Variants in ACSS2 observed in about 807,000 individuals in gnomAD.
The protein encoded by ACSS2 is acetyl-coenzyme A synthetase, cytoplasmic.
In ACSS2, 58 loss-of-function variants were observed where a neutral mutation model predicts 90.6. The observed-to-expected ratio is 0.64, with a 90% CI of 0.52 to 0.80. The LOEUF (loss-of-function observed/expected upper bound fraction) is 0.80, where lower values mean the gene tolerates loss of function less well. Among genes scored for constraint, ACSS2 ranks in the 30% least tolerant of loss-of-function variants. The pLI, the probability that ACSS2 is intolerant of heterozygous loss-of-function variation, is 0.00. For missense variants in ACSS2, 759 were observed against 912.0 expected, an observed-to-expected ratio of 0.83 and a Z score of 2.16; for synonymous variants, 300 against 330.9, an observed-to-expected ratio of 0.91 and a Z score of 1.01.
intron 1 of ACSS2, 45 bp downstream of exon 1, chr20:34,876,868 A>AGTGGGGGCTCCCTGGGGGAG (rs2079926918): frequency 5.7e-6 from 7 of 1,218,984 alleles, no homozygotes; most frequent in African/African-American, 1.6e-5. Context: ...TGAGGAGAAG[A>AGTGGGGGCTCCCTGGGGGAG]GTGGGGGCTC....
intron 2 of ACSS2, among the ~76,000 whole-genome samples, chr20:34,908,167 G>C (rs1476129502): frequency 6.6e-6 from 1 of 152,208 alleles, no homozygotes; most frequent in East Asian, 1.9e-4. Context: ...GGTGTCTGAA[G>C]GAGGAGGGAG....
intron 1 of ACSS2, among the ~76,000 whole-genome samples, chr20:34,879,862 G>C (rs938957917): frequency 6.6e-6 from 1 of 152,154 alleles, no homozygotes. Context: ...TTGTACTCTC[G>C]TTATTAGCTG....
chr20:34,909,795 T>C (rs1377803651), intron 2 of ACSS2, among the ~76,000 whole-genome samples: 4 of 151,720 alleles, frequency 2.6e-5, no homozygotes, highest in East Asian at 1.9e-4. Flanking sequence ...CCGCTCGCTG[T>C]AGCCTTCACC....
intron 13 of ACSS2, chr20:34,922,202 G>GAACCTACCA (rs2081218829): frequency 8.7e-6 from 2 of 230,050 alleles, no homozygotes; most frequent in Non-Finnish European, 1.6e-5. Flanking sequence ...CGTAGGATCT[G>GAACCTACCA]GAGTCACCCT....
intron 15 of ACSS2, 50 bp downstream of exon 15, chr20:34,925,816 A>G: frequency 1.3e-6 from 2 of 1,585,118 alleles, no homozygotes; most frequent in African/African-American, 1.3e-5. Context: ...CTCCTCTGAC[A>G]ACACCCAGCC....
Position 34,919,576 on chromosome 20 carries a change from AGT to A in ACSS2, c.972+47_972+48del, listed in dbSNP as rs59343003. 136,568 of 1,448,922 alleles carry A rather than the reference AGT, an allele frequency of 0.094. 408 individuals are homozygous for A. The highest frequency in any genetic ancestry group is 0.16 in the East Asian group (6,336 of 40,074). 89.8% of individuals were successfully genotyped at this position (1,448,922 alleles called of 1,614,324 possible). A position where few individuals can be genotyped will look rare whatever the true frequency, so the allele number is the denominator to read the frequency against. ...TGGCTCCACAGGCAAACCCAAGGCA[AGT>A]GTGTGTGTGTGTGTGTGTGTGTGTG... On this transcript the variant is annotated splice_donor_5th_base_variant and intron_variant, in intron 8 of 17. Coordinates refer to ENST00000360596, the MANE Select transcript of ACSS2 (RefSeq NM_018677.4).
chr20:34,880,533 G>A (rs577202439), intron 1 of ACSS2, among the ~76,000 whole-genome samples: 65 of 151,384 alleles, frequency 4.3e-4, no homozygotes, highest in African/African-American at 1.5e-3. Context: ...GACAAAGAGC[G>A]AGACACCGAG....
Position 34,913,474 on chromosome 20 carries a change from T to C in ACSS2, c.548T>C (p.Ile183Thr), listed in dbSNP as rs575752611. ...LVVAMLACAR[I>T]GALHSIVFAG... ...GTGGCCATGCTGGCATGTGCCCGCA[T>C]TGGGGCTTTGCACTCCATTGTGGTA... The change falls in exon 4 of 18, where the codon ATT becomes ACT. Residue 183 changes from isoleucine (I) to threonine (T), a missense_variant. Physicochemically the swap from Ile to Thr is moderately conservative, Grantham distance 89. Transcript: ENST00000360596. The C allele has an allele frequency of 5.6e-6, 9 of 1,613,822 alleles. No homozygotes were observed. Among genetic ancestry groups the C allele is most frequent in the Middle Eastern group, 1.7e-4 (1 of 6,058 alleles).
chr20:34,876,566 G>A (rs181864493), upstream of ACSS2: 4,328 of 1,275,320 alleles, frequency 3.4e-3, 146 homozygotes, highest in African/African-American at 0.061. Flanking sequence ...CGGAGGCCCC[G>A]CCTCTAGTTC....
chr20:34,900,955 T>G (rs993370746), intron 2 of ACSS2, among the ~76,000 whole-genome samples: 1 of 152,198 alleles, frequency 6.6e-6, no homozygotes, highest in African/African-American at 2.4e-5. Context: ...AACTAGACAT[T>G]TAGACTCAAG....
intron 2 of ACSS2, among the ~76,000 whole-genome samples, chr20:34,908,103 G>C (rs1468648418): frequency 6.6e-6 from 1 of 152,146 alleles, no homozygotes; most frequent in East Asian, 1.9e-4. Context: ...TGTGCAGTAA[G>C]GAAGGAGAGG....
intron 14 of ACSS2, among the ~76,000 whole-genome samples, chr20:34,924,707 G>GT (rs36019966): frequency 1.7e-4 from 25 of 149,308 alleles, no homozygotes; most frequent in East Asian, 5.9e-4. Flanking sequence ...GTTGTTGTTT[G>GT]TTTTTTTTTT....
intron 8 of ACSS2, among the ~76,000 whole-genome samples, chr20:34,920,260 AG>A (rs1307780196): frequency 1.3e-5 from 2 of 152,160 alleles, no homozygotes; most frequent in African/African-American, 4.8e-5. Flanking sequence ...GTGTGCTATG[AG>A]TGCTCATGTG....
At chr20:34,883,038 A>G in intron 2 of ACSS2, 49 bp downstream of exon 2, 1 of 1,450,876 alleles carries the variant, frequency 6.9e-7, no homozygotes, top group South Asian at 1.3e-5. Context: ...CACTCATTTG[A>G]TACTTACAAC....
intron 2 of ACSS2, 53 bp downstream of exon 2, chr20:34,883,042 T>A: frequency 7.1e-7 from 1 of 1,408,466 alleles, no homozygotes; most frequent in Non-Finnish European, 9.8e-7. Context: ...CATTTGATAC[T>A]TACAACAACC....
chr20:34,894,441 G>T (rs2147004469), intron 2 of ACSS2, among the ~76,000 whole-genome samples: 1 of 152,274 alleles, frequency 6.6e-6, no homozygotes, highest in Middle Eastern at 3.4e-3. Flanking sequence ...AGTGAGCCAA[G>T]ATCATGCCAC....
At chr20:34,891,774 G>A (rs189176371) in intron 2 of ACSS2, among the ~76,000 whole-genome samples, 2 of 152,268 alleles carry the variant, frequency 1.3e-5, no homozygotes, top group Admixed American at 6.5e-5. Flanking sequence ...TGAGTTTTAT[G>A]ACCCTTGACA....
At position 34,884,998 on chromosome 20, in the gene ACSS2, G is replaced by A. The variant is rs144894944; in HGVS notation, c.374+2009G>A. Among the ~76,000 whole-genome samples the A allele has an allele frequency of 6.4e-4, 98 of 152,216 alleles. 1 individual carries two copies. In the East Asian group the frequency reaches 0.014, roughly 22 times the overall value. ...GTGGATTGCTTGAGCTCAAGAGTTC[G>A]AGACCAGCCTGGGCAACATGGCAAA... is the stretch of plus-strand genomic sequence containing the variant. On this transcript the variant is annotated intron_variant, in intron 2 of 17. Coordinates refer to ENST00000360596, the MANE Select transcript of ACSS2 (RefSeq NM_018677.4).
chr20:34,889,570 C>G (rs2080285434), intron 2 of ACSS2, among the ~76,000 whole-genome samples: 1 of 152,220 alleles, frequency 6.6e-6, no homozygotes, highest in East Asian at 1.9e-4. Context: ...ACTAGACAAT[C>G]TTAAGCACAG....
Sources: allele counts gnomAD v4.1 joint callset (sites outside exome capture counted in the v4.1 genomes callset), GRCh38; gene constraint gnomAD v4.1.1; transcripts MANE v1.5; gene names NCBI Gene and HGNC (gene_info 2026-07-23, HGNC 2026-07-21).